The following TCEA1 variants were observed in gnomAD, a reference collection of about 807,000 sequenced individuals.
TCEA1 encodes the protein transcription elongation factor A protein 1.
A neutral mutation model predicts 43.8 loss-of-function variants in TCEA1; 21 were observed. That is an observed-to-expected ratio of 0.48 (90% CI 0.34 to 0.69). The LOEUF is 0.69. Among genes scored for constraint, TCEA1 ranks in the 30% least tolerant of loss-of-function variants. The pLI, the probability that TCEA1 is intolerant of heterozygous loss-of-function variation, is 0.01. For missense variants in TCEA1, 250 were observed against 365.1 expected, an observed-to-expected ratio of 0.68 and a Z score of 2.57; for synonymous variants, 104 against 117.5, an observed-to-expected ratio of 0.88 and a Z score of 0.75.
intron 4 of TCEA1, among the ~76,000 whole-genome samples, chr8:53,989,282 T>A (rs1803794643): frequency 6.6e-6 from 1 of 152,218 alleles, no homozygotes; most frequent in Non-Finnish European, 1.5e-5. Flanking sequence ...GCTTCTTACG[T>A]TGGATTATCA....
At chr8:54,012,455 G>A (rs1325320771) in intron 1 of TCEA1, among the ~76,000 whole-genome samples, 1 of 152,172 alleles carries the variant, frequency 6.6e-6, no homozygotes, top group Admixed American at 6.5e-5. Flanking sequence ...AGCTACTCAG[G>A]AGACTGAGGC....
At chr8:53,998,909 C>T (rs1389388423) in intron 3 of TCEA1, among the ~76,000 whole-genome samples, 4 of 152,132 alleles carry the variant, frequency 2.6e-5, no homozygotes, top group African/African-American at 9.7e-5. Context: ...TAAAGAAAAG[C>T]TTAAGAATGA....
chr8:53,979,030 T>C lies in TCEA1; in HGVS notation c.820A>G (p.Thr274Ala). The C allele has an allele frequency of 6.2e-7, 1 of 1,610,190 alleles. No homozygotes were observed. Among genetic ancestry groups the C allele is most frequent in the Non-Finnish European group, 8.5e-7 (1 of 1,177,244 alleles). Residue 274 changes from threonine (T) to alanine (A), a missense_variant, in exon 8 of 10, where the codon ACA becomes GCA. Around this residue, in one of 4 missense-constraint regions of TCEA1, gnomAD observed 46 missense variants for 109.8 expected, o/e 0.42. Coordinates refer to ENST00000521604, the MANE Select transcript of TCEA1 (RefSeq NM_006756.4). Reference protein sequence around the residue: ...GKCKKKNCTYTQVQTRSADEP... With the variant: ...GKCKKKNCTYAQVQTRSADEP... The stretch of plus-strand genomic sequence containing the variant: ...ATCTATAAACAATCACAAACCTGTG[T>C]GTAAGTGCAATTCTTCTTTTTACAT...
At position 53,985,870 on chromosome 8, in the gene TCEA1, G is replaced by A. The variant is rs1056489426; in HGVS notation, c.523+1099C>T. ...ATGTGTGTGCTTTCCATGCCCTTTT[G>A]CACAACTTAAATTCAGACACTACAG... On this transcript the variant is annotated intron_variant, in intron 6 of 9. Coordinates refer to ENST00000521604, the MANE Select transcript of TCEA1 (RefSeq NM_006756.4). Among the ~76,000 whole-genome samples, 5 of 152,216 alleles carry A rather than the reference G, an allele frequency of 3.3e-5. No homozygotes were observed. The East Asian group carries it at 9.6e-4, about 29-fold the overall frequency.
chr8:53,974,443 G>C (rs1803263615), intron 8 of TCEA1, among the ~76,000 whole-genome samples: 1 of 136,484 alleles, frequency 7.3e-6, no homozygotes, highest in African/African-American at 2.8e-5. Flanking sequence ...GAATTGTAGG[G>C]TTTATAAAAT....
intron 7 of TCEA1, among the ~76,000 whole-genome samples, chr8:53,982,937 T>C (rs1222753402): frequency 6.6e-6 from 1 of 152,230 alleles, no homozygotes; most frequent in Admixed American, 6.5e-5. Flanking sequence ...ATAAATGCTA[T>C]TAAACAGCAT....
At position 53,976,051 on chromosome 8, in the gene TCEA1, G is replaced by A. The variant is rs1275403664; in HGVS notation, c.825+2974C>T. ...AATCAAAGGTCTCAAAAACAGAAAG[G>A]TTATTTCTCTGAATGAAGATGACAA... On this transcript the variant is annotated intron_variant, in intron 8 of 9. Transcript: ENST00000521604. Among the ~76,000 whole-genome samples the A allele has an allele frequency of 2.0e-5, 3 of 152,072 alleles. No homozygotes were observed. The South Asian group carries it at 6.2e-4, about 32-fold the overall frequency.
intron 4 of TCEA1, among the ~76,000 whole-genome samples, chr8:53,988,799 G>A (rs1373765939): frequency 6.6e-6 from 1 of 152,198 alleles, no homozygotes; most frequent in Non-Finnish European, 1.5e-5. Flanking sequence ...GGGCATGGTG[G>A]CTCACAGCTG....
rs1331581041 is a variant in TCEA1, at chr8:54,006,067, G to A, written c.126+4363C>T. ...GGAGAACCTAGTCATCTTCTGAGATGTAGTTTCAGCTTTATCACCTACATA... is the reference window on the plus strand; with the variant it reads ...GGAGAACCTAGTCATCTTCTGAGATATAGTTTCAGCTTTATCACCTACATA... On this transcript the variant is annotated intron_variant, in intron 2 of 9. Transcript: ENST00000521604. Among the ~76,000 whole-genome samples the A allele has an allele frequency of 2.0e-5, 3 of 152,164 alleles. No individual in the cohort carries two copies. The East Asian group carries it at 5.8e-4, about 29-fold the overall frequency.
chr8:54,013,084 G>T (rs1023609144), intron 1 of TCEA1, among the ~76,000 whole-genome samples: 3 of 151,916 alleles, frequency 2.0e-5, no homozygotes, highest in Admixed American at 2.0e-4. Context: ...CTTAATAAGG[G>T]TAAAGAATCA....
At position 53,977,643 on chromosome 8, in the gene TCEA1, A is replaced by G. The variant is rs1803372942; in HGVS notation, c.825+1382T>C. Among the ~76,000 whole-genome samples, 3 of 152,050 alleles carry G rather than the reference A, an allele frequency of 2.0e-5. No individual in the cohort carries two copies. The South Asian group carries it at 6.2e-4, about 31-fold the overall frequency. ...TAGTAAGTTGTCCCTTAAGGAGACA[A>G]TCTTGAGTTTACAGCAGATAACATA... is the stretch of plus-strand genomic sequence containing the variant. On this transcript the variant is annotated intron_variant, in intron 8 of 9. Coordinates refer to ENST00000521604, the MANE Select transcript of TCEA1 (RefSeq NM_006756.4).
chr8:53,970,397 A>G lies in TCEA1; in HGVS notation c.892T>C (p.Trp298Arg). 6.2e-7 allele frequency: 1 copy of G among 1,606,184 alleles called. No homozygotes were observed. The highest frequency in any genetic ancestry group is 8.5e-7 in the Non-Finnish European group (1 of 1,173,588). Residue 298 changes from tryptophan (W) to arginine (R), a missense_variant, in exon 9 of 10, where the codon TGG becomes CGG. By Grantham distance (101) the Trp-to-Arg change is moderately radical. Coordinates refer to ENST00000521604, the MANE Select transcript of TCEA1 (RefSeq NM_006756.4). ...FVVCNECGNR[W>R]KFC is the part of the protein sequence containing the mutation. The stretch of plus-strand genomic sequence containing the variant: ...GAATCCAAGAGAGTCCATACCTTCC[A>G]TCGATTTCCACATTCATTACAGACA...
intron 8 of TCEA1, chr8:53,973,817 A>T: frequency 2.5e-6 from 1 of 406,540 alleles, no homozygotes; most frequent in South Asian, 2.5e-5. Context: ...AAGCTGTGGA[A>T]AAAACCCTTG....
In TCEA1 at chr8:54,022,153, C is replaced by T; in HGVS notation, c.-28G>A. 2 of 1,602,728 alleles carry T rather than the reference C, an allele frequency of 1.2e-6. No individual in the cohort carries two copies. Among genetic ancestry groups the T allele is most frequent in the Non-Finnish European group, 1.7e-6 (2 of 1,175,362 alleles). The stretch of plus-strand genomic sequence containing the variant: ...CTCCGGCAGGTCTTCTCCGCGCCCA[C>T]CCCGCTGGCAAGGGGAAGTGGGCGA... On this transcript the variant is annotated 5_prime_UTR_variant, in exon 1 of 10. The change creates a new upstream start codon in the 5' untranslated region. Coordinates refer to ENST00000521604, the MANE Select transcript of TCEA1 (RefSeq NM_006756.4).
intron 4 of TCEA1, 26 bp from the exon 5 acceptor site, chr8:53,988,285 A>G: frequency 6.2e-7 from 1 of 1,602,516 alleles, no homozygotes; most frequent in Non-Finnish European, 8.5e-7. Context: ...ACACCCCAAA[A>G]AGAAATCAAG....
At chr8:53,982,508 T>C (rs1385026616) in intron 7 of TCEA1, among the ~76,000 whole-genome samples, 29 of 145,082 alleles carry the variant, frequency 2.0e-4, no homozygotes, top group Non-Finnish European at 3.0e-5. Context: ...CTCAGGAGAC[T>C]AAGGCAGGAG....
chr8:53,987,840 G>GA (rs1448814339), intron 5 of TCEA1, among the ~76,000 whole-genome samples: 1 of 152,150 alleles, frequency 6.6e-6, no homozygotes, highest in Admixed American at 6.5e-5. Context: ...AGATTTGTGA[G>GA]AAAAAAGTGT....
chr8:54,014,842 A>G (rs1804770602), intron 1 of TCEA1, among the ~76,000 whole-genome samples: 2 of 152,208 alleles, frequency 1.3e-5, no homozygotes, highest in Admixed American at 1.3e-4. Context: ...AGATCTGGGT[A>G]ATGTTATTTG....
intron 1 of TCEA1, among the ~76,000 whole-genome samples, chr8:54,012,274 T>A (rs1804675458): frequency 6.6e-6 from 1 of 152,144 alleles, no homozygotes; most frequent in African/African-American, 2.4e-5. Flanking sequence ...ACTACAGAAA[T>A]GTTAAGGCCG....
Sources: allele counts gnomAD v4.1 joint callset (sites outside exome capture counted in the v4.1 genomes callset), GRCh38; gene constraint gnomAD v4.1.1; regional missense constraint gnomAD v4.1.1; transcripts MANE v1.5; gene names NCBI Gene and HGNC (gene_info 2026-07-23, HGNC 2026-07-21).